SORL1: variants seen among roughly 807,000 people sequenced by gnomAD.
SORL1 encodes the protein sortilin-related receptor.
Under a neutral mutation model 273.7 loss-of-function variants are expected in SORL1, and 127 were observed. The observed-to-expected ratio is 0.46, with a 90% CI of 0.40 to 0.54. SORL1 has a LOEUF of 0.54. Ranked by LOEUF, SORL1 falls within the 20% of genes least tolerant of loss-of-function variation. The probability of loss-of-function intolerance (pLI) is 0.00; values close to 1 mark genes in which losing one functional copy is unlikely to be tolerated. For synonymous variants in SORL1, 1,031 were observed against 1,067.4 expected (o/e 0.97, Z 0.66); for missense variants, 2,494 against 2,846.1 (o/e 0.88, Z 2.81).
In SORL1 at chr11:121,558,639, G is replaced by C. The variant is rs568365490; in HGVS notation, c.2712G>C (p.Arg904=). The change falls in exon 20 of 48, where the codon CGG becomes CGC. Residue 904 remains arginine (R), a synonymous_variant. Coordinates refer to ENST00000260197, the MANE Select transcript of SORL1 (RefSeq NM_003105.6). ...GAGACCTGAAGCCTGGGATTTATCGGAGCAATATGGATGGTTCTGCTGCCT... is the reference window on the plus strand; with the variant it reads ...GAGACCTGAAGCCTGGGATTTATCGCAGCAATATGGATGGTTCTGCTGCCT... ...DWGDLKPGIY[R]SNMDGSAAYH... 3.8e-5 allele frequency: 62 copies of C among 1,614,088 alleles called. 2 individuals are homozygous for C. In the South Asian group the frequency reaches 6.3e-4, roughly 16 times the overall value.
intron 25 of SORL1, among the ~76,000 whole-genome samples, chr11:121,582,838 C>T (rs1015883014): frequency 6.6e-6 from 1 of 152,178 alleles, no homozygotes; most frequent in Non-Finnish European, 1.5e-5. Context: ...TGAGGTTTTT[C>T]ACACTTGAAA....
chr11:121,606,866 T>A lies in SORL1; in HGVS notation c.4970T>A (p.Leu1657His), dbSNP rs1182082979. 1 of 1,610,414 alleles carries A rather than the reference T, an allele frequency of 6.2e-7. No individual in the cohort carries two copies. Among genetic ancestry groups the A allele is most frequent in the African/African-American group, 1.3e-5 (1 of 74,696 alleles). ...CTAGTGCCAGATGCCCCTCGAAATC[T>A]CCAGCTGTCACTCCCCAGGGAAGCA... ...PEGLPDAPRN[L>H]QLSLPREAEG... Residue 1657 changes from leucine (L) to histidine (H), a missense_variant, in exon 36 of 48, where the codon CTC becomes CAC. This residue lies in a region of SORL1 where 1,609 missense variants were observed against 1,816.4 expected (regional missense o/e 0.89). Coordinates refer to ENST00000260197, the MANE Select transcript of SORL1 (RefSeq NM_003105.6).
At position 121,559,617 on chromosome 11, in the gene SORL1, G is replaced by T. The variant is rs762268940; in HGVS notation, c.3009G>T (p.Gly1003=). 6 of 1,614,010 alleles carry T rather than the reference G, an allele frequency of 3.7e-6. No individual in the cohort carries two copies. Among genetic ancestry groups the T allele is most frequent in the African/African-American group, 2.7e-5 (2 of 74,908 alleles). ...QMEILANQLT[G]LMDMKIFYKG... is the part of the protein sequence containing the mutation. ...AGATTCTGGCAAACCAGCTCACGGG[G>T]CTCATGGACATGAAGATTTTCTACA... is the stretch of plus-strand genomic sequence containing the variant. The change falls in exon 21 of 48, where the codon GGG becomes GGT. Residue 1003 remains glycine (G), a synonymous_variant. Transcript: ENST00000260197.
Position 121,608,186 on chromosome 11 carries a change from C to G in SORL1, c.5239+10C>G. The G allele has an allele frequency of 1.2e-6, 2 of 1,602,906 alleles. No individual in the cohort carries two copies. Among genetic ancestry groups the G allele is most frequent in the Non-Finnish European group, 1.7e-6 (2 of 1,170,010 alleles). On this transcript the variant is annotated intron_variant, in intron 38 of 47. Transcript: ENST00000260197. The stretch of plus-strand genomic sequence containing the variant: ...ACCATAAAAGGAAAAGGTAAATGAT[C>G]CCAGCATTTGCAGATTTAGAGAAAA...
At chr11:121,558,437 T>G (rs1348471439) in intron 19 of SORL1, among the ~76,000 whole-genome samples, 154 bp from the exon 20 acceptor site, 1 of 152,232 alleles carries the variant, frequency 6.6e-6, no homozygotes, top group African/African-American at 2.4e-5. Flanking sequence ...GGAATTTAAG[T>G]AGTTTCAGGT....
intron 1 of SORL1, among the ~76,000 whole-genome samples, chr11:121,455,248 A>G (rs1437025983): frequency 2.0e-5 from 3 of 152,202 alleles, no homozygotes; most frequent in African/African-American, 4.8e-5. Flanking sequence ...CCACAACTCT[A>G]CAATGGTGTG....
At chr11:121,557,515 G>A in intron 19 of SORL1, 110 bp downstream of exon 19, 1 of 844,912 alleles carries the variant, frequency 1.2e-6, no homozygotes, top group Non-Finnish European at 2.0e-6. Flanking sequence ...GATGGTGGTT[G>A]AAATGGTCTA....
At chr11:121,533,808 G>T (rs1862233763) in intron 12 of SORL1, among the ~76,000 whole-genome samples, 1 of 152,110 alleles carries the variant, frequency 6.6e-6, no homozygotes, top group African/African-American at 2.4e-5. Context: ...GCAAAGTACT[G>T]GTGTTTGGCA....
chr11:121,550,708 C>T lies in SORL1; in HGVS notation c.2266+38C>T. On this transcript the variant is annotated intron_variant, in intron 16 of 47. Transcript: ENST00000260197. This position sits in a 1 kb window ranked among gnomAD's most constrained non-coding sequence, Gnocchi z 5.3. ...GTTTCTTCCCTTTCATTTCTTGAGA[C>T]ATGGTTGAAGCAGTATCACGATCTC... 6.5e-7 allele frequency: 1 copy of T among 1,535,662 alleles called. No individual in the cohort carries two copies. The highest frequency in any genetic ancestry group is 9.0e-7 in the Non-Finnish European group (1 of 1,111,114).
intron 25 of SORL1, among the ~76,000 whole-genome samples, chr11:121,577,967 T>C (rs1243559217): frequency 6.6e-6 from 1 of 152,160 alleles, no homozygotes; most frequent in Non-Finnish European, 1.5e-5. Flanking sequence ...TATATTATGA[T>C]GGGGCAGGGC....
At chr11:121,520,945 A>C (rs1591310141) in intron 9 of SORL1, 96 bp downstream of exon 9, 1 of 772,562 alleles carries the variant, frequency 1.3e-6, no homozygotes, top group Non-Finnish European at 1.9e-6. Flanking sequence ...GAAAAAATAC[A>C]AGATCACATG....
intron 3 of SORL1, among the ~76,000 whole-genome samples, chr11:121,484,958 T>C (rs560889545): frequency 2.0e-5 from 3 of 152,352 alleles, no homozygotes; most frequent in Admixed American, 6.5e-5. Context: ...TTTTGCCATG[T>C]TGGCCAGGCT....
chr11:121,585,789 C>CTA (rs1196541355), intron 26 of SORL1, among the ~76,000 whole-genome samples: 1 of 151,984 alleles, frequency 6.6e-6, no homozygotes, highest in African/African-American at 2.4e-5. Context: ...AACTGTTTAT[C>CTA]TAGGGCATAA....
intron 6 of SORL1, among the ~76,000 whole-genome samples, chr11:121,504,896 AT>A (rs1716947501): frequency 6.6e-6 from 1 of 152,102 alleles, no homozygotes; most frequent in African/African-American, 2.4e-5. Flanking sequence ...TGTTTTTATC[AT>A]GAAAAAATCT....
In SORL1 at chr11:121,625,209, C is replaced by G. The variant is rs139351633; in HGVS notation, c.6296C>G (p.Ala2099Gly). The change falls in exon 46 of 48, where the codon GCA (alanine) becomes GGA (glycine). Residue 2099 changes from alanine to glycine, a missense_variant. Coordinates refer to ENST00000260197, the MANE Select transcript of SORL1 (RefSeq NM_003105.6). Reference sequence around the variant, plus strand: ...CATAATTACACGTTCACCGTCCAAGCAAGATGCCTTTTTGGCAACCAGATC... The same window carrying G: ...CATAATTACACGTTCACCGTCCAAGGAAGATGCCTTTTTGGCAACCAGATC... The part of the protein sequence containing the change: ...MGHNYTFTVQ[A>G]RCLFGNQICG... The G allele has an allele frequency of 2.1e-5, 34 of 1,614,004 alleles. No individual in the cohort carries two copies. The highest frequency in any genetic ancestry group is 4.0e-5 in the African/African-American group (3 of 74,926).
Position 121,550,556 on chromosome 11 carries a change from G to T in SORL1, c.2181-29G>T. ...TTTGTGGCTATTCTTCCATGTTTCT[G>T]ACCTCTTGCTCTTGGGGTGGGGTGA... On this transcript the variant is annotated intron_variant, in intron 15 of 47. Coordinates refer to ENST00000260197, the MANE Select transcript of SORL1 (RefSeq NM_003105.6). The surrounding 1 kb of genome is among the most constrained non-coding windows in gnomAD (Gnocchi z 5.3). 1 of 1,606,664 alleles carries T rather than the reference G, an allele frequency of 6.2e-7. No homozygotes were observed. Among genetic ancestry groups the T allele is most frequent in the East Asian group, 2.2e-5 (1 of 44,808 alleles).
chr11:121,628,030 C>T (rs1435678910), intron 47 of SORL1, among the ~76,000 whole-genome samples: 1 of 152,152 alleles, frequency 6.6e-6, no homozygotes, highest in Non-Finnish European at 1.5e-5. Flanking sequence ...CTTGAGACTC[C>T]CAAAGTATCG....
chr11:121,521,312 G>A (rs1332551475), intron 9 of SORL1, among the ~76,000 whole-genome samples: 1 of 152,130 alleles, frequency 6.6e-6, no homozygotes, highest in Non-Finnish European at 1.5e-5. Context: ...TTGGAAAGAG[G>A]CAGCCTATAA....
chr11:121,468,950 A>G (rs953178299), intron 1 of SORL1, among the ~76,000 whole-genome samples: 11 of 152,326 alleles, frequency 7.2e-5, no homozygotes, highest in African/African-American at 1.2e-4. Context: ...AAAAATGACA[A>G]TGACTCTAGA....
Sources: allele counts gnomAD v4.1 joint callset (sites outside exome capture counted in the v4.1 genomes callset), GRCh38; gene constraint gnomAD v4.1.1; regional missense constraint gnomAD v4.1.1; non-coding constraint Gnocchi (gnomAD v3.1); transcripts MANE v1.5; gene names NCBI Gene and HGNC (gene_info 2026-07-23, HGNC 2026-07-21).